Variants in PCDHGA10 observed in about 807,000 individuals in gnomAD.
PCDHGA10 encodes protocadherin gamma subfamily A, 10, also known as protocadherin gamma-A10.
PCDHGA10 carries 42 observed loss-of-function variants against 59.5 expected under a neutral mutation model. The ratio of observed to expected loss-of-function variants is 0.71; its 90% CI spans 0.55 to 0.91. The LOEUF (loss-of-function observed/expected upper bound fraction) is 0.91. Among genes scored for constraint, PCDHGA10 ranks in the 40% least tolerant of loss-of-function variants. PCDHGA10 has a pLI of 0.00. For synonymous variants in PCDHGA10, 511 were observed against 517.2 expected, an observed-to-expected ratio of 0.99 and a Z score of 0.16; for missense variants, 1,111 against 1,198.2, an observed-to-expected ratio of 0.93 and a Z score of 1.07.
intron 1 of PCDHGA10, chr5:141,428,082 G>T (rs776612130): frequency 1.2e-6 from 2 of 1,609,030 alleles, no homozygotes; most frequent in South Asian, 2.2e-5. Flanking sequence ...GGGACACAAC[G>T]CTTGGCTGTC....
At chr5:141,425,822 A>G (rs1257213242) in intron 1 of PCDHGA10, among the ~76,000 whole-genome samples, 1 of 152,240 alleles carries the variant, frequency 6.6e-6, no homozygotes, top group Non-Finnish European at 1.5e-5. Context: ...GAAAAAAACA[A>G]ACTTTTAAAT....
rs192631651 is a variant in PCDHGA10 at position 141,432,052 on chromosome 5, C to T, written c.2436+16441C>T. On this transcript the variant is annotated intron_variant, in intron 1 of 3. Transcript: ENST00000398610. This position sits in a 1 kb window ranked among gnomAD's most constrained non-coding sequence, Gnocchi z 6.0. ...CCGCCACTGACCGGGGAACCCCGCC[C>T]CTATCCACGGAAACTCATATCTCGC... is the stretch of plus-strand genomic sequence containing the variant. The T allele has an allele frequency of 1.2e-6, 2 of 1,614,108 alleles. No individual in the cohort carries two copies. The highest frequency in any genetic ancestry group is 1.3e-5 in the African/African-American group (1 of 74,930).
intron 1 of PCDHGA10, among the ~76,000 whole-genome samples, chr5:141,447,244 A>T (rs1475037979): frequency 6.6e-6 from 1 of 152,062 alleles, no homozygotes; most frequent in Non-Finnish European, 1.5e-5. Flanking sequence ...GGTTCAAGTG[A>T]TTCTTCTGTC....
chr5:141,431,678 T>G lies in PCDHGA10; in HGVS notation c.2436+16067T>G. The G allele has an allele frequency of 6.2e-7, 1 of 1,614,084 alleles. No homozygotes were observed. Among genetic ancestry groups the G allele is most frequent in the Non-Finnish European group, 8.5e-7 (1 of 1,180,022 alleles). On this transcript the variant is annotated intron_variant, in intron 1 of 3. Transcript: ENST00000398610. This position sits in a 1 kb window ranked among gnomAD's most constrained non-coding sequence, Gnocchi z 4.8. ...AGGGACAATATCAACAATAGGGGAGTTGGACCACGAGGAGTCAGGATTCTA... is the reference window on the plus strand; with the variant it reads ...AGGGACAATATCAACAATAGGGGAGGTGGACCACGAGGAGTCAGGATTCTA...
intron 1 of PCDHGA10, chr5:141,426,791 C>T (rs2096960403): frequency 2.2e-6 from 1 of 456,574 alleles, no homozygotes; most frequent in Non-Finnish European, 4.4e-6. Context: ...TCCAGAGTTA[C>T]CAGCTCAGTT....
intron 1 of PCDHGA10, among the ~76,000 whole-genome samples, chr5:141,442,810 T>C (rs2098345227): frequency 6.6e-6 from 1 of 152,222 alleles, no homozygotes; most frequent in Non-Finnish European, 1.5e-5. Context: ...ATTCAAATTG[T>C]ACTGATCCAA....
In PCDHGA10 at chr5:141,487,747, CTA is replaced by C. The variant is rs2099663990; in HGVS notation, c.2437-7058_2437-7057del. 1 of 1,558,062 alleles carries C rather than the reference CTA, an allele frequency of 6.4e-7. No individual in the cohort carries two copies. The highest frequency in any genetic ancestry group is 2.4e-5 in the East Asian group (1 of 41,708). On this transcript the variant is annotated intron_variant, in intron 1 of 3. Coordinates refer to ENST00000398610, the MANE Select transcript of PCDHGA10 (RefSeq NM_018913.3). This position sits in a 1 kb window ranked among gnomAD's most constrained non-coding sequence, Gnocchi z 5.0. ...ATGTCACCATTTTTGTAAGAGGTAA[CTA>C]TGTGGTAGACGCTGTGCTTTGTAAC... is the stretch of plus-strand genomic sequence containing the variant.
At chr5:141,496,630 T>C (rs2099770022) in intron 2 of PCDHGA10, among the ~76,000 whole-genome samples, 1 of 152,202 alleles carries the variant, frequency 6.6e-6, no homozygotes, top group Non-Finnish European at 1.5e-5. Context: ...TCAAAAGGCT[T>C]GGGCTGCCCT....
chr5:141,414,320 A>C lies in PCDHGA10; in HGVS notation c.1145A>C (p.Gln382Pro), dbSNP rs372261571. 4.3e-6 allele frequency: 7 copies of C among 1,613,840 alleles called. No homozygotes were observed. Among genetic ancestry groups the C allele is most frequent in the Non-Finnish European group, 5.9e-6 (7 of 1,179,844 alleles). ...LLNVHDLDSE[Q>P]NGQVTCSILA... Reference sequence around the variant, plus strand: ...AATGTGCATGATTTAGACTCTGAGCAGAATGGACAGGTAACCTGTTCCATT... The same window carrying C: ...AATGTGCATGATTTAGACTCTGAGCCGAATGGACAGGTAACCTGTTCCATT... The change falls in exon 1 of 4, where the codon CAG becomes CCG. Residue 382 changes from glutamine to proline, a missense_variant. Transcript: ENST00000398610.
Position 141,485,418 on chromosome 5 carries a change from G to A in PCDHGA10, c.2437-9389G>A. ...CACTTCCGTGTGGATTTGGACAGCG[G>A]AGCCCTGCTCATCAAGAACCCAATC... On this transcript the variant is annotated intron_variant, in intron 1 of 3. Transcript: ENST00000398610. This position sits in a 1 kb window ranked among gnomAD's most constrained non-coding sequence, Gnocchi z 5.7. 6.2e-7 allele frequency: 1 copy of A among 1,614,174 alleles called. No homozygotes were observed. The highest frequency in any genetic ancestry group is 8.5e-7 in the Non-Finnish European group (1 of 1,180,042).
Position 141,476,247 on chromosome 5 carries a change from G to A in PCDHGA10, c.2437-18560G>A. The A allele has an allele frequency of 6.2e-7, 1 of 1,614,042 alleles. No individual in the cohort carries two copies. Among genetic ancestry groups the A allele is most frequent in the Non-Finnish European group, 8.5e-7 (1 of 1,180,010 alleles). Reference sequence around the variant, plus strand: ...GAGATCCCGGAGGAAAGAGAGAAGGGTTTCGCTGTGGGCAACGTGGTCGCG... The same window carrying A: ...GAGATCCCGGAGGAAAGAGAGAAGGATTTCGCTGTGGGCAACGTGGTCGCG... On this transcript the variant is annotated intron_variant, in intron 1 of 3. Transcript: ENST00000398610. This position sits in a 1 kb window ranked among gnomAD's most constrained non-coding sequence, Gnocchi z 7.6.
chr5:141,497,239 G>A (rs2099775226), intron 2 of PCDHGA10, among the ~76,000 whole-genome samples: 1 of 152,104 alleles, frequency 6.6e-6, no homozygotes, highest in Admixed American at 6.5e-5. Flanking sequence ...AAGGCTTCTA[G>A]GAGGAGGTGA....
In PCDHGA10 at chr5:141,415,428, G is replaced by A; in HGVS notation, c.2253G>A (p.Arg751=). 1 of 1,614,206 alleles carries A rather than the reference G, an allele frequency of 6.2e-7. No homozygotes were observed. Among genetic ancestry groups the A allele is most frequent in the Non-Finnish European group, 8.5e-7 (1 of 1,180,036 alleles). Residue 751 remains arginine (R), a synonymous_variant, in exon 1 of 4, where the codon CGG becomes CGA. Coordinates refer to ENST00000398610, the MANE Select transcript of PCDHGA10 (RefSeq NM_018913.3). ...GSHFVGVDGV[R]AFLQTYSHEV... is the part of the protein sequence containing the mutation. ...ACTTTGTGGGCGTGGACGGGGTTCG[G>A]GCTTTCCTGCAGACCTATTCCCACG...
intron 1 of PCDHGA10, chr5:141,417,834 G>A (rs1382990900): frequency 2.0e-6 from 3 of 1,530,144 alleles, no homozygotes; most frequent in Middle Eastern, 3.5e-4. Context: ...GGAAAAGCGG[G>A]GACCCAGCGA....
intron 1 of PCDHGA10, among the ~76,000 whole-genome samples, chr5:141,472,245 T>A (rs1217786736): frequency 6.6e-6 from 1 of 152,144 alleles, no homozygotes; most frequent in East Asian, 1.9e-4. Context: ...ACTTTCTATT[T>A]TAAAGTTATA....
intron 1 of PCDHGA10, chr5:141,423,830 G>A (rs527344048): frequency 5.5e-6 from 7 of 1,273,204 alleles, no homozygotes; most frequent in African/African-American, 3.1e-5. Flanking sequence ...CCTTTCATGA[G>A]ATTACGATAA....
rs370032689 is a variant in PCDHGA10 at position 141,415,343 on chromosome 5, G to A, written c.2168G>A (p.Trp723Ter). 84 of 1,614,112 alleles carry A rather than the reference G, an allele frequency of 5.2e-5. No homozygotes were observed. The African/African-American group carries it at 1.0e-3, about 20-fold the overall frequency. Residue 723 changes from tryptophan (W) to a stop codon, truncating the protein, a stop_gained, in exon 1 of 4, where the codon TGG becomes TAG. Transcript: ENST00000398610. LOFTEE classifies it high-confidence loss of function. The stretch of plus-strand genomic sequence containing the variant: ...CTGCTGGCGCACAGGCTGCGGCGCT[G>A]GCACAAGTCACGCCTGCTGCAGGCT... ...IVLLAHRLRR[W>*]HKSRLLQASG...
intron 1 of PCDHGA10, among the ~76,000 whole-genome samples, chr5:141,472,508 C>T (rs140607073): frequency 0.01 from 1,548 of 151,922 alleles, 35 homozygotes; most frequent in African/African-American, 0.035. Flanking sequence ...CCACTGCACT[C>T]CAGCCTGGGT....
chr5:141,420,744 C>T (rs1202150921), intron 1 of PCDHGA10, among the ~76,000 whole-genome samples: 8 of 152,194 alleles, frequency 5.3e-5, no homozygotes, highest in Admixed American at 5.2e-4. Context: ...TCAATTGGAA[C>T]CAACTACAAC....
Sources: allele counts gnomAD v4.1 joint callset (sites outside exome capture counted in the v4.1 genomes callset), GRCh38; gene constraint gnomAD v4.1.1; non-coding constraint Gnocchi (gnomAD v3.1); transcripts MANE v1.5; gene names NCBI Gene and HGNC (gene_info 2026-07-23, HGNC 2026-07-21).